CYTIP: variants seen among roughly 807,000 people sequenced by gnomAD.
CYTIP encodes the protein cytohesin 1 interacting protein.
A neutral mutation model predicts 43.8 loss-of-function variants in CYTIP; 26 were observed. That is an observed-to-expected ratio of 0.59 (90% CI 0.44 to 0.82). The LOEUF is 0.82. Ranked by LOEUF, CYTIP falls within the 40% of genes least tolerant of loss-of-function variation. CYTIP has a pLI of 0.00. For missense variants in CYTIP, 426 were observed against 443.1 expected (o/e 0.96, Z 0.35); for synonymous variants, 162 against 162.9 (o/e 0.99, Z 0.04).
chr2:157,437,369 A>C (rs1167501388), intron 1 of CYTIP, among the ~76,000 whole-genome samples: 2 of 152,126 alleles, frequency 1.3e-5, no homozygotes, highest in East Asian at 3.8e-4. Flanking sequence ...AAAAAAATTT[A>C]AAAATGGGCA....
intron 5 of CYTIP, among the ~76,000 whole-genome samples, chr2:157,427,850 T>C (rs1685637055): frequency 6.6e-6 from 1 of 152,118 alleles, no homozygotes; most frequent in African/African-American, 2.4e-5. Flanking sequence ...ACAACAGAAA[T>C]AATAGGCTCT....
At chr2:157,428,569 T>G (rs1685649680) in intron 5 of CYTIP, among the ~76,000 whole-genome samples, 1 of 152,234 alleles carries the variant, frequency 6.6e-6, no homozygotes, top group African/African-American at 2.4e-5. Flanking sequence ...CCTCAGTATT[T>G]GTACAGACTG....
intron 3 of CYTIP, chr2:157,434,038 T>C (rs556694361): frequency 3.0e-6 from 1 of 335,374 alleles, no homozygotes; most frequent in South Asian, 3.7e-5. Flanking sequence ...TGCAAATATA[T>C]CAAGTACACA....
At chr2:157,417,593 C>T (rs181977175) in intron 7 of CYTIP, among the ~76,000 whole-genome samples, 1 of 151,792 alleles carries the variant, frequency 6.6e-6, no homozygotes, top group African/African-American at 2.4e-5. Flanking sequence ...GCCTCTCTAA[C>T]AAACTTCACT....
intron 7 of CYTIP, among the ~76,000 whole-genome samples, chr2:157,417,367 C>CA (rs1685453880): frequency 6.6e-6 from 1 of 152,064 alleles, no homozygotes; most frequent in Non-Finnish European, 1.5e-5. Context: ...TTCAATTGCT[C>CA]AAAAAATATG....
intron 1 of CYTIP, 96 bp from the exon 2 acceptor site, chr2:157,434,843 TCTCTCTCACACACACACACA>T (rs1302058033): frequency 1.3e-5 from 5 of 377,018 alleles, no homozygotes; most frequent in South Asian, 4.6e-5. Flanking sequence ...TCTCTCTCTC[TCTCTCTCACACACACACACA>T]CACACACACA....
At position 157,414,699 on chromosome 2, in the gene CYTIP, C is replaced by T. The variant is rs1038597841; in HGVS notation, c.*978G>A. On this transcript the variant is annotated 3_prime_UTR_variant, in exon 8 of 8. Transcript: ENST00000264192. Reference sequence around the variant, plus strand: ...GTTATGAATAGCTGTGCCACCAGAACAGAGAATTCATAGACTTCAATGGAT... The same window carrying T: ...GTTATGAATAGCTGTGCCACCAGAATAGAGAATTCATAGACTTCAATGGAT... The T allele has an allele frequency of 2.6e-5, 4 of 151,572 alleles. No homozygotes were observed. Among genetic ancestry groups the T allele is most frequent in the Non-Finnish European group, 5.9e-5 (4 of 67,946 alleles). 9.4% of individuals were successfully genotyped at this position (151,572 alleles called of 1,614,324 possible).
At chr2:157,429,453 A>G (rs922793849) in intron 5 of CYTIP, among the ~76,000 whole-genome samples, 7 of 152,176 alleles carry the variant, frequency 4.6e-5, no homozygotes, top group Non-Finnish European at 7.4e-5. Flanking sequence ...CACTTTTCTC[A>G]TAGTAGTTAT....
rs746714756 is a variant in CYTIP at position 157,430,941 on chromosome 2, T to C, written c.301A>G (p.Asn101Asp). The C allele has an allele frequency of 3.1e-6, 5 of 1,613,588 alleles. No homozygotes were observed. In the South Asian group the frequency reaches 4.4e-5, roughly 14 times the overall value. ...EIQSYRPQNQ[N>D]ACSSEMFTLI... is the part of the protein sequence containing the mutation. Reference sequence around the variant, plus strand: ...GTGAACATTTCCGAGGAGCAGGCATTCTGATTCTGGGGCCTGTAAGACTGT... The same window carrying C: ...GTGAACATTTCCGAGGAGCAGGCATCCTGATTCTGGGGCCTGTAAGACTGT... Residue 101 changes from asparagine (N) to aspartate (D), a missense_variant, in exon 4 of 8, where the codon AAT becomes GAT. Coordinates refer to ENST00000264192, the MANE Select transcript of CYTIP (RefSeq NM_004288.5).
chr2:157,425,601 T>C (rs1173830795), intron 6 of CYTIP, among the ~76,000 whole-genome samples: 1 of 152,106 alleles, frequency 6.6e-6, no homozygotes, highest in Non-Finnish European at 1.5e-5. Context: ...GGCAAAAACA[T>C]GCAAAGAATA....
chr2:157,417,998 C>T (rs1035236093), intron 7 of CYTIP, among the ~76,000 whole-genome samples: 1 of 152,178 alleles, frequency 6.6e-6, no homozygotes, highest in African/African-American at 2.4e-5. Context: ...CACTCAATGG[C>T]AAGAGCTATG....
intron 2 of CYTIP, 130 bp downstream of exon 2, chr2:157,434,564 GTGTC>G (rs1685775795): frequency 4.7e-6 from 4 of 859,358 alleles, no homozygotes; most frequent in African/African-American, 1.8e-5. Flanking sequence ...TTCTGTGTGT[GTGTC>G]TGTGTGTGTG....
Position 157,414,649 on chromosome 2 carries a change from C to A in CYTIP, c.*1028G>T, listed in dbSNP as rs1445541208. ...ATCAGCAGACTATTTATTACATAGT[C>A]CAGATTGTCTACTCTAGAATATAGG... On this transcript the variant is annotated 3_prime_UTR_variant, in exon 8 of 8. Transcript: ENST00000264192. The A allele has an allele frequency of 6.7e-6, 1 of 149,684 alleles. No homozygotes were observed. Among genetic ancestry groups the A allele is most frequent in the African/African-American group, 2.5e-5 (1 of 40,512 alleles). The allele number at this position is 149,684 out of a possible 1,614,324, so 9.3% of individuals were successfully genotyped here.
intron 4 of CYTIP, 85 bp downstream of exon 4, chr2:157,430,775 C>A: frequency 2.0e-6 from 3 of 1,468,922 alleles, no homozygotes; most frequent in Non-Finnish European, 2.8e-6. Flanking sequence ...CTCAAAGCAA[C>A]AAATACATCC....
chr2:157,418,733 A>G (rs1685477683), intron 6 of CYTIP, 144 bp from the exon 7 acceptor site: 1 of 664,916 alleles, frequency 1.5e-6, no homozygotes, highest in African/African-American at 1.9e-5. Context: ...TCCATTTAAA[A>G]TATTTTTGCT....
intron 7 of CYTIP, 76 bp downstream of exon 7, chr2:157,418,447 T>C (rs1292052896): frequency 1.2e-5 from 18 of 1,469,194 alleles, no homozygotes; most frequent in Non-Finnish European, 1.5e-5. Context: ...ATGATGATAA[T>C]CTTAAACCAA....
At chr2:157,431,357 A>C (rs1685712206) in intron 3 of CYTIP, among the ~76,000 whole-genome samples, 1 of 152,246 alleles carries the variant, frequency 6.6e-6, no homozygotes, top group Non-Finnish European at 1.5e-5. Context: ...TCATTATAGG[A>C]GTATGAAATT....
Position 157,427,431 on chromosome 2 carries a change from GAAA to G in CYTIP, c.477-14_477-12del, listed in dbSNP as rs200823949. The G allele has an allele frequency of 7.2e-7, 1 of 1,390,928 alleles. No individual in the cohort carries two copies. Among genetic ancestry groups the G allele is most frequent in the African/African-American group, 1.5e-5 (1 of 67,192 alleles). 86.2% of individuals were successfully genotyped at this position (1,390,928 alleles called of 1,614,324 possible). A position where few individuals can be genotyped will look rare whatever the true frequency, so the allele number is the denominator to read the frequency against. On this transcript the variant is annotated splice_polypyrimidine_tract_variant and intron_variant, in intron 5 of 7. Coordinates refer to ENST00000264192, the MANE Select transcript of CYTIP (RefSeq NM_004288.5). ...TTAAGAGTCTCTATCCTGTTTTAAG[GAAA>G]AAAAAAAGAAGAGGAAGGTGGGGAG...
At chr2:157,425,673 T>C (rs1443031988) in intron 6 of CYTIP, among the ~76,000 whole-genome samples, 1 of 152,178 alleles carries the variant, frequency 6.6e-6, no homozygotes, top group Non-Finnish European at 1.5e-5. Context: ...CCATAGAATA[T>C]AGCCCTATTT....
Sources: gnomAD v4.1 joint callset for allele counts (sites outside exome capture counted in the v4.1 genomes callset) on GRCh38, gnomAD v4.1.1 for gene constraint, MANE v1.5 for transcripts, NCBI Gene and HGNC (gene_info 2026-07-23, HGNC 2026-07-21) for gene names.